CTNNA2: variants seen among roughly 807,000 people sequenced by gnomAD.
CTNNA2 encodes catenin alpha 2.
Under a neutral mutation model 101.0 loss-of-function variants are expected in CTNNA2, and 42 were observed. That is an observed-to-expected ratio of 0.42 (90% CI 0.32 to 0.54). The LOEUF (loss-of-function observed/expected upper bound fraction) is 0.54. Among genes scored for constraint, CTNNA2 ranks in the 20% least tolerant of loss-of-function variants. The pLI is 0.14. For missense variants in CTNNA2, 871 were observed against 1,223.1 expected (o/e 0.71, Z 4.29); for synonymous variants, 450 against 456.4 (o/e 0.99, Z 0.18).
At chr2:79,299,691 A>G (rs545096068) in intron 2 of CTNNA2, among the ~76,000 whole-genome samples, 1 of 152,178 alleles carries the variant, frequency 6.6e-6, no homozygotes, top group Non-Finnish European at 1.5e-5. Flanking sequence ...ATACAAGGTA[A>G]ACTTCTGACC....
At chr2:79,188,286 G>A (rs1401187723) in intron 1 of CTNNA2, among the ~76,000 whole-genome samples, 1 of 150,586 alleles carries the variant, frequency 6.6e-6, no homozygotes, top group East Asian at 1.9e-4. Flanking sequence ...TTTGTTGCTG[G>A]GCTGGACCAT....
intron 18 of CTNNA2, among the ~76,000 whole-genome samples, chr2:80,628,674 A>G (rs1477618516): frequency 2.6e-5 from 4 of 151,828 alleles, no homozygotes; most frequent in Non-Finnish European, 5.9e-5. Flanking sequence ...TTTTTTTTCT[A>G]CAGTTTTTAG....
chr2:79,947,094 C>T (rs1688545427), intron 7 of CTNNA2, among the ~76,000 whole-genome samples: 1 of 152,156 alleles, frequency 6.6e-6, no homozygotes, highest in Non-Finnish European at 1.5e-5. Flanking sequence ...AAAGTACTGC[C>T]TTGTTACACT....
chr2:79,887,158 C>CT (rs1268278089), intron 6 of CTNNA2, among the ~76,000 whole-genome samples: 3 of 150,368 alleles, frequency 2.0e-5, no homozygotes, highest in African/African-American at 7.5e-5. Context: ...GCAGTGGCTG[C>CT]CGGGGGGAGA....
chr2:80,567,080 C>G (rs1694127846), intron 12 of CTNNA2, among the ~76,000 whole-genome samples: 2 of 152,118 alleles, frequency 1.3e-5, no homozygotes, highest in Non-Finnish European at 2.9e-5. Context: ...GAAATAGTCA[C>G]TATTTGCGAA....
At chr2:79,187,437 G>C (rs1372429514) in intron 1 of CTNNA2, among the ~76,000 whole-genome samples, 1 of 151,198 alleles carries the variant, frequency 6.6e-6, no homozygotes, top group East Asian at 1.9e-4. Context: ...CAAGTAGCTG[G>C]GACCACAAGG....
chr2:79,465,809 T>G (rs1467227015), intron 4 of CTNNA2, among the ~76,000 whole-genome samples: 1 of 152,178 alleles, frequency 6.6e-6, no homozygotes, highest in Non-Finnish European at 1.5e-5. Flanking sequence ...TAAGAATGCT[T>G]GTGATTTTTG....
chr2:80,075,740 A>ATAAAAATAATAT (rs1698693332), intron 7 of CTNNA2, among the ~76,000 whole-genome samples: 2 of 125,812 alleles, frequency 1.6e-5, no homozygotes, highest in Non-Finnish European at 3.1e-5. Flanking sequence ...TTGTATAAAT[A>ATAAAAATAATAT]TTATAAAAAT....
Position 79,806,047 on chromosome 2 carries a change from C to A in CTNNA2, c.299-51966C>A, listed in dbSNP as rs3112491. On this transcript the variant is annotated intron_variant, in intron 3 of 18. Coordinates refer to ENST00000402739, the MANE Select transcript of CTNNA2 (RefSeq NM_001282597.3). ...ACATGACTTTTGCATGTAAGTTTTC[C>A]ATATGGTGTCAGTATAAATTCTCTT... 2.0e-5 allele frequency among the ~76,000 whole-genome samples: 3 copies of A among 151,578 alleles called. No homozygotes were observed. The East Asian group carries it at 5.8e-4, about 29-fold the overall frequency.
chr2:80,330,546 A>G (rs1671226242), intron 7 of CTNNA2, among the ~76,000 whole-genome samples: 1 of 149,528 alleles, frequency 6.7e-6, no homozygotes, highest in Non-Finnish European at 1.5e-5. Context: ...AATTATTCTT[A>G]GCCATTGTTC....
At chr2:80,346,794 G>T (rs1672775204) in intron 7 of CTNNA2, among the ~76,000 whole-genome samples, 1 of 152,160 alleles carries the variant, frequency 6.6e-6, no homozygotes, top group African/African-American at 2.4e-5. Flanking sequence ...GTCCAGGAAT[G>T]AAATTATTTT....
At chr2:79,687,299 T>C (rs1010612951) in intron 2 of CTNNA2, among the ~76,000 whole-genome samples, 7 of 152,140 alleles carry the variant, frequency 4.6e-5, no homozygotes, top group African/African-American at 1.7e-4. Context: ...CAAAATAGTA[T>C]TGTCTTTTCC....
chr2:79,971,096 G>A (rs529715741), intron 7 of CTNNA2, among the ~76,000 whole-genome samples: 1 of 152,126 alleles, frequency 6.6e-6, no homozygotes, highest in Non-Finnish European at 1.5e-5. Context: ...AGGCGAGACA[G>A]CCCCATTTTG....
At chr2:80,160,363 G>T (rs572342824) in intron 7 of CTNNA2, among the ~76,000 whole-genome samples, 1 of 152,036 alleles carries the variant, frequency 6.6e-6, no homozygotes, top group African/African-American at 2.4e-5. Flanking sequence ...GCTAGAAATC[G>T]TGTTAACCTG....
At chr2:80,424,164 C>G (rs2149414141) in intron 9 of CTNNA2, among the ~76,000 whole-genome samples, 1 of 152,202 alleles carries the variant, frequency 6.6e-6, no homozygotes, top group South Asian at 2.1e-4. Context: ...CTATGTTGGC[C>G]AGGCTGGTCT....
rs991178228 is a variant in CTNNA2, at chr2:79,714,843, A to C, written c.103-29544A>C. 2.0e-5 allele frequency among the ~76,000 whole-genome samples: 3 copies of C among 152,078 alleles called. No homozygotes were observed. The East Asian group carries it at 5.8e-4, about 29-fold the overall frequency. On this transcript the variant is annotated intron_variant, in intron 2 of 18. Transcript: ENST00000402739. The stretch of plus-strand genomic sequence containing the variant: ...GTATAAATTATAAAGGATGTTAATC[A>C]ACTAGCATGGCATGCATTCTTAGAA...
In CTNNA2 at chr2:79,651,549, T is replaced by C. The variant is rs959789352; in HGVS notation, c.-5-3T>C. The C allele has an allele frequency of 5.6e-6, 9 of 1,611,922 alleles. No individual in the cohort carries two copies. Among genetic ancestry groups the C allele is most frequent in the Admixed American group, 3.3e-5 (2 of 59,892 alleles). ...TTCTAACTGATTACATGTGTTCCCA[T>C]AGGGAGCATGACTTCGGCAACTTCA... is the stretch of plus-strand genomic sequence containing the variant. On this transcript the variant is annotated splice_polypyrimidine_tract_variant and splice_region_variant and intron_variant, in intron 1 of 18. Coordinates refer to ENST00000402739, the MANE Select transcript of CTNNA2 (RefSeq NM_001282597.3).
At chr2:80,610,654 G>C (rs547467633) in intron 17 of CTNNA2, among the ~76,000 whole-genome samples, 3 of 151,604 alleles carry the variant, frequency 2.0e-5, no homozygotes, top group Non-Finnish European at 1.5e-5. Context: ...TTTCCATTTT[G>C]CCAAGAAAAA....
intron 7 of CTNNA2, among the ~76,000 whole-genome samples, chr2:80,067,673 G>A (rs895951939): frequency 6.6e-6 from 1 of 152,112 alleles, no homozygotes; most frequent in African/African-American, 2.4e-5. Context: ...TAGAAAAGGA[G>A]AATAAAAGAA....
Sources: gnomAD v4.1 joint callset for allele counts (sites outside exome capture counted in the v4.1 genomes callset) on GRCh38, gnomAD v4.1.1 for gene constraint, MANE v1.5 for transcripts, NCBI Gene and HGNC (gene_info 2026-07-23, HGNC 2026-07-21) for gene names.